MTSS1: variants seen among roughly 807,000 people sequenced by gnomAD.
MTSS1 encodes the protein protein MTSS 1.
A neutral mutation model predicts 79.0 loss-of-function variants in MTSS1; 18 were observed. The ratio of observed to expected loss-of-function variants is 0.23; its 90% CI spans 0.16 to 0.34. MTSS1 has a LOEUF of 0.34. MTSS1 is among the 10% of genes least tolerant of loss of function. MTSS1 has a pLI of 1.00. For missense variants in MTSS1, 815 were observed against 986.2 expected, an observed-to-expected ratio of 0.83 and a Z score of 2.33; for synonymous variants, 341 against 368.6, an observed-to-expected ratio of 0.93 and a Z score of 0.86.
At chr8:124,583,865 G>A (rs1335310819) in intron 6 of MTSS1, among the ~76,000 whole-genome samples, 1 of 152,176 alleles carries the variant, frequency 6.6e-6, no homozygotes, top group South Asian at 2.1e-4. Context: ...TCACTAAAAT[G>A]TTACTATGTC....
Position 124,637,701 on chromosome 8 carries a change from T to C in MTSS1, c.209-46466A>G, listed in dbSNP as rs557327194. On this transcript the variant is annotated intron_variant, in intron 3 of 13. Coordinates refer to ENST00000518547, the MANE Select transcript of MTSS1 (RefSeq NM_014751.6). ...GGAATTTATGTGTCACATTTGGGTC[T>C]CAGATTCTCCCCCCAAAGCAGCATG... Among the ~76,000 whole-genome samples, 42 of 152,322 alleles carry C rather than the reference T, an allele frequency of 2.8e-4. 1 individual carries two copies. In the East Asian group the frequency reaches 8.1e-3, roughly 29 times the overall value.
In MTSS1 at chr8:124,683,393, G is replaced by T. The variant is rs575628576; in HGVS notation, c.208+16133C>A. On this transcript the variant is annotated intron_variant, in intron 3 of 13. Coordinates refer to ENST00000518547, the MANE Select transcript of MTSS1 (RefSeq NM_014751.6). The surrounding 1 kb of genome is among the most constrained non-coding windows in gnomAD (Gnocchi z 4.5). ...GCTTTATGTATATATAGATATATAC[G>T]TATATACACATATAGATATGTACAC... Among the ~76,000 whole-genome samples, 1 of 152,106 alleles carries T rather than the reference G, an allele frequency of 6.6e-6. No individual in the cohort carries two copies. Among genetic ancestry groups the T allele is most frequent in the Non-Finnish European group, 1.5e-5 (1 of 68,014 alleles).
chr8:124,696,295 T>A (rs537565178), intron 3 of MTSS1, among the ~76,000 whole-genome samples: 65 of 152,288 alleles, frequency 4.3e-4, no homozygotes, highest in African/African-American at 1.5e-3. Flanking sequence ...CCTACTTATT[T>A]CAATTTTTTA....
At chr8:124,630,276 A>G (rs1230756212) in intron 3 of MTSS1, among the ~76,000 whole-genome samples, 1 of 151,584 alleles carries the variant, frequency 6.6e-6, no homozygotes, top group African/African-American at 2.4e-5. Flanking sequence ...GGGCCACCAC[A>G]TCTTTTGGCA....
intron 3 of MTSS1, among the ~76,000 whole-genome samples, chr8:124,695,986 T>G (rs1587853664): frequency 6.6e-6 from 1 of 152,010 alleles, no homozygotes. Flanking sequence ...GTTTATATAT[T>G]TATTTCAATT....
chr8:124,602,151 T>TA (rs551305350), intron 3 of MTSS1, among the ~76,000 whole-genome samples: 1,209 of 105,524 alleles, frequency 0.011, 32 homozygotes, highest in African/African-American at 0.053. Flanking sequence ...CAACAGCTAC[T>TA]AAAAAAAAAA....
rs1001732336 is a variant in MTSS1 at position 124,586,251 on chromosome 8, T to C, written c.386-1090A>G. On this transcript the variant is annotated intron_variant, in intron 5 of 13. Transcript: ENST00000518547. ...TCTGAGGTTTCCCTTCTACTGGCCC[T>C]AAGCCTATTTATACACACCTGGAAT... Among the ~76,000 whole-genome samples, 3 of 152,204 alleles carry C rather than the reference T, an allele frequency of 2.0e-5. No homozygotes were observed. In the East Asian group the frequency reaches 5.8e-4, roughly 29 times the overall value.
chr8:124,665,751 A>G (rs60858030), intron 3 of MTSS1, among the ~76,000 whole-genome samples: 1 of 151,970 alleles, frequency 6.6e-6, no homozygotes, highest in African/African-American at 2.4e-5. Flanking sequence ...CCTGTAATCC[A>G]AGCTACTCAG....
intron 1 of MTSS1, 34 bp from the exon 2 acceptor site, chr8:124,704,225 T>C: frequency 6.4e-7 from 1 of 1,573,528 alleles, no homozygotes; most frequent in Non-Finnish European, 8.7e-7. Context: ...TAAGTCACAC[T>C]GCGATAGACA....
chr8:124,593,173 T>G (rs1832145079), intron 3 of MTSS1, among the ~76,000 whole-genome samples: 1 of 152,218 alleles, frequency 6.6e-6, no homozygotes, highest in African/African-American at 2.4e-5. Flanking sequence ...AGTTCTGAGC[T>G]TTTTACTGCA....
At chr8:124,591,303 A>G in intron 3 of MTSS1, 68 bp from the exon 4 acceptor site, 2 of 1,306,850 alleles carry the variant, frequency 1.5e-6, no homozygotes. Context: ...TCTTTAGAGA[A>G]CTTTACAAAC....
chr8:124,626,584 G>A (rs1362597372), intron 3 of MTSS1, among the ~76,000 whole-genome samples: 4 of 152,090 alleles, frequency 2.6e-5, no homozygotes, highest in African/African-American at 9.7e-5. Context: ...GGGCTGGAGG[G>A]GGGCAGAGTG....
At chr8:124,707,793 T>G (rs1228237702) in intron 1 of MTSS1, among the ~76,000 whole-genome samples, 1 of 152,138 alleles carries the variant, frequency 6.6e-6, no homozygotes, top group Non-Finnish European at 1.5e-5. Context: ...GGAGAATCCC[T>G]TGAGCCCGGG....
Position 124,557,819 on chromosome 8 carries a change from C to A in MTSS1, c.1092G>T (p.Thr364=), listed in dbSNP as rs374958242. The change falls in exon 11 of 14, where the codon ACG becomes ACT. Residue 364 remains threonine (T), a synonymous_variant. Transcript: ENST00000518547. ...GGCAATGAGGGAAAAGGCCTGCACC[C>A]GTGGGCCCCACGTGGGACTCACTTG... ...SLSSESHVGP[T]GAGLFPHCLP... 1 of 1,596,944 alleles carries A rather than the reference C, an allele frequency of 6.3e-7. No individual in the cohort carries two copies. Among genetic ancestry groups the A allele is most frequent in the Non-Finnish European group, 8.5e-7 (1 of 1,171,798 alleles).
intron 9 of MTSS1, among the ~76,000 whole-genome samples, 187 bp from the exon 10 acceptor site, chr8:124,563,179 T>C (rs541540884): frequency 1.3e-5 from 2 of 152,238 alleles, no homozygotes; most frequent in East Asian, 3.9e-4. Context: ...CACCAAATCA[T>C]GAAGGTAGTC....
chr8:124,612,517 T>A (rs1836001030), intron 3 of MTSS1, among the ~76,000 whole-genome samples: 1 of 151,804 alleles, frequency 6.6e-6, no homozygotes, highest in African/African-American at 2.4e-5. Flanking sequence ...AATCTTGGCA[T>A]CAGGGATCTT....
chr8:124,725,109 A>C (rs1833503515), intron 1 of MTSS1, among the ~76,000 whole-genome samples: 1 of 152,186 alleles, frequency 6.6e-6, no homozygotes, highest in Non-Finnish European at 1.5e-5. Context: ...CTCGTCAAGG[A>C]ATCGATATGT....
chr8:124,656,981 G>A (rs758770879), intron 3 of MTSS1, among the ~76,000 whole-genome samples: 3 of 151,972 alleles, frequency 2.0e-5, no homozygotes, highest in African/African-American at 2.4e-5. Flanking sequence ...GCATTTTTAC[G>A]AAAACAGGAA....
chr8:124,634,762 C>G (rs918075492), intron 3 of MTSS1, among the ~76,000 whole-genome samples: 1 of 151,994 alleles, frequency 6.6e-6, no homozygotes, highest in African/African-American at 2.4e-5. Context: ...AAAGTGTGCT[C>G]CCTGAATCAG....
Sources: allele counts gnomAD v4.1 joint callset (sites outside exome capture counted in the v4.1 genomes callset), GRCh38; gene constraint gnomAD v4.1.1; non-coding constraint Gnocchi (gnomAD v3.1); transcripts MANE v1.5; gene names NCBI Gene and HGNC (gene_info 2026-07-23, HGNC 2026-07-21).